NXPE2: variants seen among roughly 807,000 people sequenced by gnomAD.
NXPE2 encodes the protein NXPE family member 2.
In NXPE2, 34 loss-of-function variants were observed where a neutral mutation model predicts 34.4. The ratio of observed to expected loss-of-function variants is 0.99; its 90% confidence interval spans 0.75 to 1.31. NXPE2 has a LOEUF of 1.31. NXPE2 is among the 40% of genes most tolerant of loss of function. NXPE2 has a pLI of 0.00. For synonymous variants in NXPE2, 235 were observed against 231.3 expected, an observed-to-expected ratio of 1.02 and a Z score of -0.15; for missense variants, 649 against 672.5, an observed-to-expected ratio of 0.97 and a Z score of 0.39.
At chr11:114,477,389 G>T in the NXPE2 span, among the ~76,000 whole-genome samples, 3 of 152,188 alleles carry the variant, frequency 2.0e-5, no homozygotes, top group Non-Finnish European at 2.9e-5. Context: ...AGTATGTGAG[G>T]CGATGGATAT....
the NXPE2 span, among the ~76,000 whole-genome samples, chr11:114,540,468 T>C: frequency 1.3e-5 from 2 of 152,174 alleles, no homozygotes; most frequent in Non-Finnish European, 1.5e-5. Context: ...TCCACATATA[T>C]ACATAAATAC....
the NXPE2 span, among the ~76,000 whole-genome samples, chr11:114,666,470 C>T: frequency 6.6e-6 from 1 of 152,014 alleles, no homozygotes; most frequent in African/African-American, 2.4e-5. Flanking sequence ...ATCCTCACAT[C>T]AGTATTGATT....
the NXPE2 span, among the ~76,000 whole-genome samples, chr11:114,563,489 A>G: frequency 2.5e-4 from 38 of 152,338 alleles, 1 homozygote; most frequent in African/African-American, 6.7e-4. Flanking sequence ...TAACTCCTAA[A>G]AAGCTTCTGC....
the NXPE2 span, among the ~76,000 whole-genome samples, chr11:114,771,783 TG>T: frequency 2.6e-5 from 4 of 152,380 alleles, no homozygotes; most frequent in East Asian, 3.9e-4. Flanking sequence ...GCCTTAGCCA[TG>T]GCAACGAATG....
the NXPE2 span, among the ~76,000 whole-genome samples, chr11:114,745,885 A>G: frequency 2.0e-5 from 3 of 152,040 alleles, no homozygotes; most frequent in Non-Finnish European, 4.4e-5. Context: ...CAGCTAGCTG[A>G]CCCTGCTAAA....
At chr11:114,468,256 G>A in the NXPE2 span, among the ~76,000 whole-genome samples, 157 of 152,290 alleles carry the variant, frequency 1.0e-3, 1 homozygote, top group Middle Eastern at 0.014. Context: ...AGAGGGATGA[G>A]AGCTAGAGGT....
the NXPE2 span, among the ~76,000 whole-genome samples, chr11:114,797,874 A>G: frequency 2.0e-5 from 3 of 152,198 alleles, no homozygotes; most frequent in Admixed American, 6.5e-5. Flanking sequence ...TTGAGCAGCT[A>G]GTGTCAGAAC....
At chr11:114,670,465 G>C in the NXPE2 span, among the ~76,000 whole-genome samples, 1 of 152,028 alleles carries the variant, frequency 6.6e-6, no homozygotes, top group Admixed American at 6.6e-5. Context: ...TGGCCCTTGT[G>C]GTAGGATCCC....
At chr11:114,536,018 C>A in the NXPE2 span, among the ~76,000 whole-genome samples, 4 of 152,258 alleles carry the variant, frequency 2.6e-5, no homozygotes, top group Non-Finnish European at 2.9e-5. Context: ...CCAAAATTGA[C>A]CACATAGTTG....
chr11:114,763,464 C>T, the NXPE2 span, among the ~76,000 whole-genome samples: 1 of 152,180 alleles, frequency 6.6e-6, no homozygotes, highest in Non-Finnish European at 1.5e-5. Context: ...ATCTACACTT[C>T]CATTAGCTAT....
chr11:114,651,411 C>T, the NXPE2 span, among the ~76,000 whole-genome samples: 2 of 152,234 alleles, frequency 1.3e-5, no homozygotes, highest in Non-Finnish European at 2.9e-5. Context: ...AGGAGTGAAG[C>T]TGCAAACGTT....
At chr11:114,778,696 C>T in the NXPE2 span, among the ~76,000 whole-genome samples, 17 of 152,208 alleles carry the variant, frequency 1.1e-4, no homozygotes, top group South Asian at 2.9e-3. Flanking sequence ...TTGACAGGGT[C>T]GGGGTCCCTG....
chr11:114,684,176 C>T (rs1000335006), intron 2 of NXPE2, among the ~76,000 whole-genome samples: 7 of 151,964 alleles, frequency 4.6e-5, no homozygotes, highest in Non-Finnish European at 1.0e-4. Flanking sequence ...GCCTATAATC[C>T]AAGCACTTTG....
chr11:114,628,500 C>T, the NXPE2 span, among the ~76,000 whole-genome samples: 2 of 152,028 alleles, frequency 1.3e-5, no homozygotes, highest in African/African-American at 4.8e-5. Flanking sequence ...GTACCAGAAT[C>T]TCTGGGACAC....
chr11:114,676,176 T>A (rs1391884120), upstream of NXPE2, among the ~76,000 whole-genome samples: 1 of 151,836 alleles, frequency 6.6e-6, no homozygotes, highest in African/African-American at 2.4e-5. Flanking sequence ...GAAAAATCTC[T>A]TTGATATTGG....
chr11:114,778,654 C>A, the NXPE2 span, among the ~76,000 whole-genome samples: 348 of 152,278 alleles, frequency 2.3e-3, 6 homozygotes, highest in Admixed American at 0.02. Flanking sequence ...CCAGGAGTCT[C>A]CCCCAGAGCA....
chr11:114,582,240 CA>C, the NXPE2 span: 1 of 1,521,804 alleles, frequency 6.6e-7, no homozygotes, highest in Non-Finnish European at 8.8e-7. Flanking sequence ...GTATATAGGC[CA>C]AATCACAATA....
the NXPE2 span, among the ~76,000 whole-genome samples, chr11:114,803,128 G>C: frequency 6.6e-6 from 1 of 152,182 alleles, no homozygotes; most frequent in Admixed American, 6.5e-5. Flanking sequence ...GGGGCCACAC[G>C]GCCTTTGTCA....
At chr11:114,650,591 A>G in the NXPE2 span, among the ~76,000 whole-genome samples, 3 of 152,190 alleles carry the variant, frequency 2.0e-5, no homozygotes, top group Admixed American at 2.0e-4. Flanking sequence ...CTACACTGCA[A>G]AGGGAGGAGG....
Sources: allele counts gnomAD v4.1 joint callset (sites outside exome capture counted in the v4.1 genomes callset), GRCh38; gene constraint gnomAD v4.1.1; transcripts MANE v1.5; gene names NCBI Gene and HGNC (gene_info 2026-07-23, HGNC 2026-07-21).